SYN3: variants seen among roughly 807,000 people sequenced by gnomAD.
The protein encoded by SYN3 is synapsin-3.
A neutral mutation model predicts 65.8 loss-of-function variants in SYN3; 35 were observed. The ratio of observed to expected loss-of-function variants is 0.53; its 90% CI spans 0.41 to 0.70. SYN3 has a LOEUF of 0.70. SYN3 is among the 30% of genes least tolerant of loss of function. The probability of loss-of-function intolerance (pLI) is 0.00; values close to 1 mark genes in which losing one functional copy is unlikely to be tolerated. For missense variants in SYN3, 680 were observed against 749.0 expected (o/e 0.91, Z 1.08); for synonymous variants, 270 against 292.9 (o/e 0.92, Z 0.80).
chr22:32,912,829 C>A (rs1027682662), intron 4 of SYN3, among the ~76,000 whole-genome samples: 1 of 152,030 alleles, frequency 6.6e-6, no homozygotes, highest in African/African-American at 2.4e-5. Flanking sequence ...TCAGTGGTTG[C>A]CAAGGTTTGG....
intron 6 of SYN3, among the ~76,000 whole-genome samples, chr22:32,684,171 C>T (rs1245694755): frequency 2.0e-5 from 3 of 152,144 alleles, no homozygotes; most frequent in Non-Finnish European, 2.9e-5. Context: ...CAAGAAGGGA[C>T]GATCACAGTT....
chr22:32,568,161 A>T (rs2146397824), intron 7 of SYN3, among the ~76,000 whole-genome samples: 1 of 152,228 alleles, frequency 6.6e-6, no homozygotes, highest in South Asian at 2.1e-4. Context: ...GGAGGTCCTG[A>T]ATGACACCAG....
chr22:32,874,277 C>T (rs1172940760), intron 4 of SYN3, among the ~76,000 whole-genome samples: 3 of 152,190 alleles, frequency 2.0e-5, no homozygotes, highest in Non-Finnish European at 4.4e-5. Context: ...CAAACTGGCA[C>T]GTCCTGGCCG....
intron 6 of SYN3, among the ~76,000 whole-genome samples, chr22:32,682,721 A>C (rs1319547322): frequency 6.6e-6 from 1 of 150,592 alleles, no homozygotes; most frequent in Non-Finnish European, 1.5e-5. Context: ...TTTATTGCAC[A>C]GCGTTTGACG....
chr22:32,759,982 T>C (rs191402504), intron 6 of SYN3, among the ~76,000 whole-genome samples: 51 of 880 alleles, frequency 0.058, no homozygotes, highest in Non-Finnish European at 0.077. Context: ...CCCCAGCCAG[T>C]ACCCACCCAC....
intron 6 of SYN3, among the ~76,000 whole-genome samples, chr22:32,842,960 C>G (rs2146206077): frequency 6.6e-6 from 1 of 152,302 alleles, no homozygotes; most frequent in Middle Eastern, 3.4e-3. Flanking sequence ...AGGTATCAAT[C>G]TTCTTCTCTG....
chr22:32,752,819 T>C (rs2045171290), intron 6 of SYN3, among the ~76,000 whole-genome samples: 1 of 151,978 alleles, frequency 6.6e-6, no homozygotes, highest in African/African-American at 2.4e-5. Flanking sequence ...TGCAGAGTGG[T>C]GAATGCCATG....
chr22:32,689,197 T>G (rs2060631396), intron 6 of SYN3, among the ~76,000 whole-genome samples: 1 of 152,162 alleles, frequency 6.6e-6, no homozygotes, highest in African/African-American at 2.4e-5. Context: ...AAAAGTCTAG[T>G]CTAGGGCAGA....
chr22:32,696,573 G>C lies in SYN3; in HGVS notation c.712-99837C>G, dbSNP rs73156407. On this transcript the variant is annotated intron_variant, in intron 6 of 13. Transcript: ENST00000358763. The stretch of plus-strand genomic sequence containing the variant: ...ACAAGTATGTCTTTTCCACCCATCT[G>C]TGATCTCCTCTAAATGGGGACCATG... 6.2e-3 allele frequency among the ~76,000 whole-genome samples: 951 copies of C among 152,274 alleles called. 7 individuals carry two copies. Among genetic ancestry groups the C allele is most frequent in the East Asian group, 0.03 (157 of 5,170 alleles).
intron 6 of SYN3, among the ~76,000 whole-genome samples, chr22:32,814,133 TGTGTGTGTGAGA>T (rs1189136295): frequency 1.3e-3 from 98 of 75,652 alleles, no homozygotes; most frequent in Non-Finnish European, 1.7e-3. Context: ...TGTGTGTGTG[TGTGTGTGTGAGA>T]GAGAGAGAGA....
rs58025844 is a variant in SYN3, at chr22:32,962,129, CTTTTT to C, written c.369+18511_369+18515del. Among the ~76,000 whole-genome samples, 47 of 107,198 alleles carry C rather than the reference CTTTTT, an allele frequency of 4.4e-4. 1 individual carries two copies. Among genetic ancestry groups the C allele is most frequent in the African/African-American group, 1.2e-3 (32 of 26,920 alleles). 70.3% of individuals were successfully genotyped at this position (107,198 alleles called of 152,430 possible). ...AGGAGCCTGTTTACTTTTAGAATCT[CTTTTT>C]TTTTTTTTTTTTTTTTTTTTGAGAC... On this transcript the variant is annotated intron_variant, in intron 3 of 13. Transcript: ENST00000358763.
At chr22:32,656,475 C>T (rs1275004701) in intron 6 of SYN3, among the ~76,000 whole-genome samples, 2 of 152,258 alleles carry the variant, frequency 1.3e-5, no homozygotes, top group Non-Finnish European at 2.9e-5. Context: ...AAAGAGCTCT[C>T]CTTTGCATCT....
chr22:32,964,853 A>G (rs56202004), intron 3 of SYN3, among the ~76,000 whole-genome samples: 2,366 of 152,226 alleles, frequency 0.016, 30 homozygotes, highest in Non-Finnish European at 0.026. Flanking sequence ...CTGACCTTTT[A>G]TTATTGCCAA....
At chr22:33,058,228 G>C (rs1398478186) in intron 1 of SYN3, 64 bp downstream of exon 1, 1 of 152,146 alleles carries the variant, frequency 6.6e-6, no homozygotes, top group Non-Finnish European at 1.5e-5. Context: ...GCCCCCGCTC[G>C]AGGTGGGGTC....
intron 3 of SYN3, among the ~76,000 whole-genome samples, chr22:32,932,183 T>C (rs139022608): frequency 1.4e-5 from 2 of 147,674 alleles, no homozygotes; most frequent in South Asian, 2.2e-4. Flanking sequence ...TGCTCTACAG[T>C]GGTATGGCAT....
intron 7 of SYN3, among the ~76,000 whole-genome samples, chr22:32,593,329 C>T (rs564846649): frequency 0.012 from 1,207 of 103,470 alleles, 65 homozygotes; most frequent in Admixed American, 0.078. Flanking sequence ...TTTCTCATCT[C>T]TTTATTTCCT....
chr22:32,714,031 G>A (rs1288396990), intron 6 of SYN3, among the ~76,000 whole-genome samples: 1 of 152,296 alleles, frequency 6.6e-6, no homozygotes, highest in Non-Finnish European at 1.5e-5. Context: ...GGAACTATGT[G>A]GCTTGATTCT....
At chr22:32,556,696 T>C (rs1426631606) in intron 7 of SYN3, among the ~76,000 whole-genome samples, 1 of 151,280 alleles carries the variant, frequency 6.6e-6, no homozygotes, top group Non-Finnish European at 1.5e-5. Flanking sequence ...TGACTGCTCC[T>C]CATGTAAAAC....
At chr22:33,013,461 T>C (rs956291592) in intron 1 of SYN3, among the ~76,000 whole-genome samples, 1 of 152,220 alleles carries the variant, frequency 6.6e-6, no homozygotes, top group Non-Finnish European at 1.5e-5. Flanking sequence ...GCAATAATTA[T>C]ATATATTTCT....
Sources: gnomAD v4.1 joint callset for allele counts (sites outside exome capture counted in the v4.1 genomes callset) on GRCh38, gnomAD v4.1.1 for gene constraint, MANE v1.5 for transcripts, NCBI Gene and HGNC (gene_info 2026-07-23, HGNC 2026-07-21) for gene names.